MYO1D: variants seen among roughly 807,000 people sequenced by gnomAD.
MYO1D encodes the protein myosin ID, also known as unconventional myosin-Id.
MYO1D carries 83 observed loss-of-function variants against 122.0 expected under a neutral mutation model. That is an observed-to-expected ratio of 0.68 (90% CI 0.57 to 0.82). The LOEUF (loss-of-function observed/expected upper bound fraction) is 0.82. MYO1D is among the 40% of genes least tolerant of loss of function. The pLI, the probability that MYO1D is intolerant of heterozygous loss-of-function variation, is 0.00. For synonymous variants in MYO1D, 464 were observed against 446.9 expected (o/e 1.04, Z -0.48); for missense variants, 1,157 against 1,269.5 (o/e 0.91, Z 1.35).
rs564998629 is a variant in MYO1D at position 32,782,743 on chromosome 17, C to T, written c.96-1959G>A. Among the ~76,000 whole-genome samples, 6 of 152,238 alleles carry T rather than the reference C, an allele frequency of 3.9e-5. No individual in the cohort carries two copies. The South Asian group carries it at 1.2e-3, about 32-fold the overall frequency. ...TTGAGACCAGGAGTTTGAGACCAGC[C>T]TGGGCAACATAGTGAAACTCCATCT... is the stretch of plus-strand genomic sequence containing the variant. On this transcript the variant is annotated intron_variant, in intron 1 of 21. Coordinates refer to ENST00000318217, the MANE Select transcript of MYO1D (RefSeq NM_015194.3).
At chr17:32,576,535 C>A (rs2087279966) in intron 21 of MYO1D, among the ~76,000 whole-genome samples, 1 of 152,196 alleles carries the variant, frequency 6.6e-6, no homozygotes, top group Non-Finnish European at 1.5e-5. Context: ...TGGACTAAAT[C>A]ATATGATGGT....
intron 16 of MYO1D, 92 bp from the exon 17 acceptor site, chr17:32,659,430 C>G: frequency 7.7e-7 from 1 of 1,296,852 alleles, no homozygotes; most frequent in Non-Finnish European, 1.1e-6. Context: ...CTTACAAACT[C>G]AACCAGGCAA....
At chr17:32,861,054 T>C (rs2091069493) in intron 1 of MYO1D, among the ~76,000 whole-genome samples, 2 of 151,672 alleles carry the variant, frequency 1.3e-5, no homozygotes, top group Non-Finnish European at 2.9e-5. Flanking sequence ...GTCTGGGCTG[T>C]ATTGGTGTTT....
At chr17:32,692,674 G>C (rs958497779) in intron 16 of MYO1D, among the ~76,000 whole-genome samples, 2 of 152,148 alleles carry the variant, frequency 1.3e-5, no homozygotes, top group African/African-American at 4.8e-5. Flanking sequence ...AATTACCAAA[G>C]TAAGAATAAA....
intron 16 of MYO1D, among the ~76,000 whole-genome samples, chr17:32,701,734 T>C (rs559281159): frequency 6.6e-6 from 1 of 152,238 alleles, no homozygotes; most frequent in African/African-American, 2.4e-5. Flanking sequence ...AGTTAATATT[T>C]TATTTTTATT....
intron 15 of MYO1D, among the ~76,000 whole-genome samples, chr17:32,718,126 A>G (rs1274997248): frequency 2.0e-5 from 3 of 152,198 alleles, no homozygotes; most frequent in Admixed American, 6.5e-5. Flanking sequence ...GTTTTTAAAA[A>G]ACATTTTAAA....
At chr17:32,796,135 T>C (rs2090414574) in intron 1 of MYO1D, among the ~76,000 whole-genome samples, 2 of 152,208 alleles carry the variant, frequency 1.3e-5, no homozygotes, top group African/African-American at 4.8e-5. Context: ...TTATCCAACA[T>C]AGGGCTCAAT....
chr17:32,707,416 T>C (rs1291574202), intron 16 of MYO1D, among the ~76,000 whole-genome samples: 1 of 152,208 alleles, frequency 6.6e-6, no homozygotes, highest in Admixed American at 6.5e-5. Context: ...CATTGTGGGT[T>C]GAAATATGAT....
intron 13 of MYO1D, among the ~76,000 whole-genome samples, chr17:32,744,732 C>T (rs1188029976): frequency 1.3e-5 from 2 of 152,166 alleles, no homozygotes; most frequent in African/African-American, 4.8e-5. Flanking sequence ...AACTTTTCCA[C>T]ATTTTGTTGG....
chr17:32,638,905 A>C (rs2088147939), intron 19 of MYO1D, 70 bp from the exon 20 acceptor site: 1 of 1,058,840 alleles, frequency 9.4e-7, no homozygotes, highest in Admixed American at 1.7e-5. Context: ...GATTGTGAAG[A>C]CAAATTCTTT....
intron 16 of MYO1D, among the ~76,000 whole-genome samples, chr17:32,685,597 C>T (rs1295363705): frequency 6.6e-6 from 1 of 152,154 alleles, no homozygotes; most frequent in Non-Finnish European, 1.5e-5. Context: ...ATAAAAAATC[C>T]TAGAACAGGT....
chr17:32,677,715 A>G (rs948374934), intron 16 of MYO1D, among the ~76,000 whole-genome samples: 3 of 151,892 alleles, frequency 2.0e-5, no homozygotes, highest in Non-Finnish European at 2.9e-5. Context: ...ATGTCATAAT[A>G]AATGAGTGGT....
intron 21 of MYO1D, among the ~76,000 whole-genome samples, chr17:32,548,716 CT>C (rs200304112): frequency 0.45 from 59,951 of 133,970 alleles, 12,276 homozygotes; most frequent in East Asian, 0.52. Flanking sequence ...ATTTTTTGGT[CT>C]TTTTTTTTTT....
intron 20 of MYO1D, among the ~76,000 whole-genome samples, chr17:32,637,295 C>T (rs942241304): frequency 6.6e-6 from 1 of 152,192 alleles, no homozygotes; most frequent in African/African-American, 2.4e-5. Flanking sequence ...TCTCCTACTT[C>T]AAGATTGGAG....
rs982267959 is a variant in MYO1D at position 32,659,470 on chromosome 17, G to A, written c.2122-132C>T. 1.9e-5 allele frequency: 16 copies of A among 821,666 alleles called. No homozygotes were observed. The African/African-American group carries it at 2.7e-4, about 14-fold the overall frequency. The allele number at this position is 821,666 out of a possible 1,614,324, so 50.9% of individuals were successfully genotyped here. A position where few individuals can be genotyped will look rare whatever the true frequency, so the allele number is the denominator to read the frequency against. On this transcript the variant is annotated intron_variant, in intron 16 of 21. Transcript: ENST00000318217. The stretch of plus-strand genomic sequence containing the variant: ...CAAGTGTGCACAAAAATCAGCCAGA[G>A]CCAAAGCATGTCAGTTCCACCTGCC...
chr17:32,495,379 C>T (rs887313952), intron 21 of MYO1D, among the ~76,000 whole-genome samples: 10 of 152,374 alleles, frequency 6.6e-5, no homozygotes, highest in Admixed American at 6.5e-4. Flanking sequence ...TGGAAGTGGG[C>T]CTGACTTGGG....
chr17:32,572,610 T>TA (rs755665134), intron 21 of MYO1D, among the ~76,000 whole-genome samples: 1 of 152,058 alleles, frequency 6.6e-6, no homozygotes, highest in African/African-American at 2.4e-5. Flanking sequence ...CCCCCTTTGC[T>TA]AAAAAAACCT....
intron 5 of MYO1D, among the ~76,000 whole-genome samples, chr17:32,772,034 A>G (rs2090117651): frequency 6.6e-6 from 1 of 152,224 alleles, no homozygotes; most frequent in East Asian, 1.9e-4. Flanking sequence ...ACTTATATAT[A>G]CAAATGAGTA....
intron 14 of MYO1D, among the ~76,000 whole-genome samples, chr17:32,731,712 G>A (rs568920877): frequency 4.6e-5 from 7 of 152,316 alleles, no homozygotes; most frequent in South Asian, 4.1e-4. Context: ...TGGAAGCCCC[G>A]CCCCCTTCCA....
Sources: allele counts gnomAD v4.1 joint callset (sites outside exome capture counted in the v4.1 genomes callset), GRCh38; gene constraint gnomAD v4.1.1; transcripts MANE v1.5; gene names NCBI Gene and HGNC (gene_info 2026-07-23, HGNC 2026-07-21).